Variants in ZSWIM6 observed in about 807,000 individuals in gnomAD.
ZSWIM6 encodes the protein zinc finger SWIM domain-containing protein 6.
ZSWIM6 carries 9 observed loss-of-function variants against 113.2 expected under a neutral mutation model. That is an observed-to-expected ratio of 0.08 (90% CI 0.05 to 0.14). The LOEUF (loss-of-function observed/expected upper bound fraction) is 0.14. Ranked by LOEUF, ZSWIM6 falls within the 10% of genes least tolerant of loss-of-function variation. ZSWIM6 has a pLI of 1.00. For missense variants in ZSWIM6, 1,162 were observed against 1,552.2 expected (o/e 0.75, Z 4.22); for synonymous variants, 611 against 606.5 (o/e 1.01, Z -0.11).
chr5:61,381,216 G>T lies in ZSWIM6; in HGVS notation c.676+48268G>T, dbSNP rs1415026596. Among the ~76,000 whole-genome samples, 7 of 152,064 alleles carry T rather than the reference G, an allele frequency of 4.6e-5. No individual in the cohort carries two copies. In the South Asian group the frequency reaches 8.3e-4, roughly 18 times the overall value. ...TGTAGTGAGCCAAGATCGTGCCACTGCACTCCAGCCTGGGCAACAGAGTGA... is the reference window on the plus strand; with the variant it reads ...TGTAGTGAGCCAAGATCGTGCCACTTCACTCCAGCCTGGGCAACAGAGTGA... On this transcript the variant is annotated intron_variant, in intron 1 of 13. Coordinates refer to ENST00000252744, the MANE Select transcript of ZSWIM6 (RefSeq NM_020928.2).
chr5:61,486,331 A>G (rs1748021771), intron 2 of ZSWIM6, among the ~76,000 whole-genome samples: 1 of 152,094 alleles, frequency 6.6e-6, no homozygotes, highest in African/African-American at 2.4e-5. Flanking sequence ...GTGTATCTGT[A>G]CCACATCATT....
chr5:61,542,832 G>A (rs1238504264), intron 13 of ZSWIM6, among the ~76,000 whole-genome samples: 1 of 152,136 alleles, frequency 6.6e-6, no homozygotes, highest in African/African-American at 2.4e-5. Context: ...ATTTCTCTCT[G>A]AGACCTAGTA....
chr5:61,413,268 C>T (rs989729418), intron 1 of ZSWIM6, among the ~76,000 whole-genome samples: 20 of 147,008 alleles, frequency 1.4e-4, no homozygotes, highest in Admixed American at 3.5e-4. Flanking sequence ...TGAGAACATG[C>T]GGTGTTTGGT....
At chr5:61,522,131 C>T (rs1389488512) in intron 5 of ZSWIM6, among the ~76,000 whole-genome samples, 1 of 149,408 alleles carries the variant, frequency 6.7e-6, no homozygotes, top group Non-Finnish European at 1.5e-5. Context: ...GCTTCTCCCT[C>T]TCTATTGTAC....
At chr5:61,334,520 G>A (rs1744348036) in intron 1 of ZSWIM6, among the ~76,000 whole-genome samples, 1 of 152,122 alleles carries the variant, frequency 6.6e-6, no homozygotes, top group African/African-American at 2.4e-5. Flanking sequence ...TGGAAGTGGG[G>A]TGGGGGTCTG....
intron 5 of ZSWIM6, among the ~76,000 whole-genome samples, chr5:61,521,710 A>G (rs1359416114): frequency 6.6e-6 from 1 of 152,176 alleles, no homozygotes; most frequent in Non-Finnish European, 1.5e-5. Flanking sequence ...AAAATGGCCT[A>G]TTAATGATTT....
intron 4 of ZSWIM6, among the ~76,000 whole-genome samples, chr5:61,509,059 C>T (rs1748705733): frequency 6.6e-6 from 1 of 152,094 alleles, no homozygotes; most frequent in Admixed American, 6.6e-5. Flanking sequence ...CTAGTAACCC[C>T]AGAAATGTAA....
intron 1 of ZSWIM6, among the ~76,000 whole-genome samples, chr5:61,373,632 T>G (rs1745311317): frequency 6.6e-6 from 1 of 152,192 alleles, no homozygotes; most frequent in Non-Finnish European, 1.5e-5. Flanking sequence ...TGTTACCAAA[T>G]GATCTTTAAA....
intron 1 of ZSWIM6, among the ~76,000 whole-genome samples, chr5:61,412,823 G>A (rs1014094336): frequency 1.4e-4 from 22 of 152,046 alleles, no homozygotes; most frequent in Non-Finnish European, 2.1e-4. Flanking sequence ...TGTTGAAAGT[G>A]TTTATCATTA....
At chr5:61,339,791 A>G (rs943332839) in intron 1 of ZSWIM6, among the ~76,000 whole-genome samples, 1 of 152,228 alleles carries the variant, frequency 6.6e-6, no homozygotes, top group African/African-American at 2.4e-5. Flanking sequence ...TAATTTTTAA[A>G]ATAGTGCTTT....
At chr5:61,340,560 A>G (rs781763974) in intron 1 of ZSWIM6, among the ~76,000 whole-genome samples, 13 of 152,358 alleles carry the variant, frequency 8.5e-5, no homozygotes, top group Admixed American at 5.2e-4. Context: ...TAGTGGAGCT[A>G]TGGAGATTTC....
At chr5:61,463,578 C>A (rs939982614) in intron 1 of ZSWIM6, among the ~76,000 whole-genome samples, 1 of 152,176 alleles carries the variant, frequency 6.6e-6, no homozygotes, top group African/African-American at 2.4e-5. Flanking sequence ...GTTCCACATG[C>A]CAAGAGTGTG....
At chr5:61,462,787 A>G (rs1747346871) in intron 1 of ZSWIM6, among the ~76,000 whole-genome samples, 1 of 152,230 alleles carries the variant, frequency 6.6e-6, no homozygotes, top group Non-Finnish European at 1.5e-5. Flanking sequence ...CCTACAAAAT[A>G]GGTATTATTA....
At chr5:61,361,864 G>A (rs2112053838) in intron 1 of ZSWIM6, among the ~76,000 whole-genome samples, 2 of 152,300 alleles carry the variant, frequency 1.3e-5, no homozygotes, top group South Asian at 4.1e-4. Context: ...AGAAGATCGT[G>A]GAAAATATAC....
rs1745604209 is a variant in ZSWIM6 at position 61,387,025 on chromosome 5, T to G, written c.676+54077T>G. On this transcript the variant is annotated intron_variant, in intron 1 of 13. Transcript: ENST00000252744. ...CCTTTTGTTGTATTATTTATGATATTGATAATGAGCATTCTATAGAGTTCA... is the reference window on the plus strand; with the variant it reads ...CCTTTTGTTGTATTATTTATGATATGGATAATGAGCATTCTATAGAGTTCA... Among the ~76,000 whole-genome samples the G allele has an allele frequency of 1.3e-5, 2 of 152,228 alleles. 1 individual carries two copies. Among genetic ancestry groups the G allele is most frequent in the South Asian group, 4.1e-4 (2 of 4,834 alleles).
chr5:61,356,678 CAT>C (rs1398117455), intron 1 of ZSWIM6, among the ~76,000 whole-genome samples: 106 of 136,958 alleles, frequency 7.7e-4, no homozygotes, highest in African/African-American at 2.4e-3. Context: ...ATATATATAA[CAT>C]AATATATAAT....
chr5:61,367,781 A>G (rs1241982771), intron 1 of ZSWIM6, among the ~76,000 whole-genome samples: 5 of 152,112 alleles, frequency 3.3e-5, no homozygotes, highest in African/African-American at 1.2e-4. Flanking sequence ...CTGATTGGTT[A>G]ACTAATGTTT....
At chr5:61,509,354 A>G (rs1748713883) in intron 4 of ZSWIM6, among the ~76,000 whole-genome samples, 1 of 152,200 alleles carries the variant, frequency 6.6e-6, no homozygotes. Flanking sequence ...CCTGGGCATT[A>G]AAACTAAAAT....
chr5:61,440,844 G>A (rs1165404401), intron 1 of ZSWIM6, among the ~76,000 whole-genome samples: 1 of 152,096 alleles, frequency 6.6e-6, no homozygotes. Context: ...ACACAAAGAT[G>A]AATAAAACAG....
Sources: allele counts gnomAD v4.1 joint callset (sites outside exome capture counted in the v4.1 genomes callset), GRCh38; gene constraint gnomAD v4.1.1; transcripts MANE v1.5; gene names NCBI Gene and HGNC (gene_info 2026-07-23, HGNC 2026-07-21).